Variants in PTPRJ observed in about 807,000 individuals in gnomAD.
PTPRJ encodes protein tyrosine phosphatase receptor type J.
Under a neutral mutation model 141.3 loss-of-function variants are expected in PTPRJ, and 129 were observed. That is an observed-to-expected ratio of 0.91 (90% CI 0.79 to 1.06). PTPRJ has a LOEUF of 1.06. Ranked by LOEUF, PTPRJ falls within the 50% of genes least tolerant of loss-of-function variation. The pLI, the probability that PTPRJ is intolerant of heterozygous loss-of-function variation, is 0.00. For synonymous variants in PTPRJ, 610 were observed against 640.5 expected (o/e 0.95, Z 0.72); for missense variants, 1,601 against 1,679.7 (o/e 0.95, Z 0.82).
intron 2 of PTPRJ, among the ~76,000 whole-genome samples, chr11:48,111,178 G>A (rs1274234724): frequency 6.6e-6 from 1 of 151,340 alleles, no homozygotes; most frequent in Non-Finnish European, 1.5e-5. Context: ...TACTTGGGAG[G>A]CTGAGGCAGG....
intron 1 of PTPRJ, among the ~76,000 whole-genome samples, chr11:47,990,683 ATTTT>A (rs58395455): frequency 2.3e-5 from 3 of 127,746 alleles, no homozygotes; most frequent in African/African-American, 6.0e-5. Flanking sequence ...AAGTGTTGGG[ATTTT>A]TTTTTTTTTT....
At chr11:48,167,161 AC>A in intron 24 of PTPRJ, 42 bp from the exon 25 acceptor site, 1 of 1,561,062 alleles carries the variant, frequency 6.4e-7, no homozygotes, top group African/African-American at 1.4e-5. Context: ...AATTTCTGGG[AC>A]CCATGTTCAT....
chr11:48,117,661 C>T (rs116822531), intron 3 of PTPRJ, among the ~76,000 whole-genome samples: 1,686 of 146,786 alleles, frequency 0.011, 20 homozygotes, highest in African/African-American at 0.027. Context: ...TAATGTAGCA[C>T]GTTAAGGAAC....
chr11:47,996,804 A>G (rs1016920802), intron 1 of PTPRJ, among the ~76,000 whole-genome samples: 4 of 152,202 alleles, frequency 2.6e-5, no homozygotes, highest in Non-Finnish European at 5.9e-5. Context: ...GCAGTCACCA[A>G]ATCCTATGGT....
chr11:48,032,647 T>A (rs2134226324), intron 1 of PTPRJ, among the ~76,000 whole-genome samples: 1 of 152,246 alleles, frequency 6.6e-6, no homozygotes, highest in African/African-American at 2.4e-5. Context: ...TAATCCCAGC[T>A]ACTCGGGAGG....
intron 1 of PTPRJ, among the ~76,000 whole-genome samples, chr11:48,085,494 G>A (rs531167323): frequency 2.6e-5 from 4 of 152,076 alleles, no homozygotes; most frequent in East Asian, 1.9e-4. Context: ...ACAGGCACCC[G>A]CCACCACACT....
At chr11:47,989,633 TATAG>T (rs1461715369) in intron 1 of PTPRJ, among the ~76,000 whole-genome samples, 10 of 152,150 alleles carry the variant, frequency 6.6e-5, no homozygotes, top group East Asian at 1.9e-4. Flanking sequence ...AATCTATATC[TATAG>T]ATAGATAGAT....
chr11:48,088,491 A>G (rs17789481), intron 1 of PTPRJ, among the ~76,000 whole-genome samples: 4,635 of 152,290 alleles, frequency 0.03, 105 homozygotes, highest in Non-Finnish European at 0.046. Context: ...AGAAGAAGGA[A>G]GCGTGGTAAC....
intron 3 of PTPRJ, among the ~76,000 whole-genome samples, chr11:48,114,129 T>C (rs1856505939): frequency 6.6e-6 from 1 of 152,094 alleles, no homozygotes; most frequent in South Asian, 2.1e-4. Context: ...TCTAGGGTAA[T>C]ATGAGAAACT....
At chr11:48,098,387 A>AGTGG (rs1325015301) in intron 1 of PTPRJ, among the ~76,000 whole-genome samples, 4 of 152,178 alleles carry the variant, frequency 2.6e-5, no homozygotes, top group African/African-American at 9.7e-5. Context: ...AGGCTCACAG[A>AGTGG]GTGGGCCAGG....
At chr11:47,999,060 T>A (rs1854422225) in intron 1 of PTPRJ, among the ~76,000 whole-genome samples, 1 of 152,066 alleles carries the variant, frequency 6.6e-6, no homozygotes, top group African/African-American at 2.4e-5. Context: ...AATGTCAGAG[T>A]TGGAAAAGAC....
At chr11:48,163,153 A>C (rs1590573230) in intron 22 of PTPRJ, among the ~76,000 whole-genome samples, 1 of 152,102 alleles carries the variant, frequency 6.6e-6, no homozygotes, top group Admixed American at 6.6e-5. Flanking sequence ...GAAGGGAAGG[A>C]TCTGAATGCA....
intron 1 of PTPRJ, among the ~76,000 whole-genome samples, chr11:48,052,546 G>C (rs1854601283): frequency 6.6e-6 from 1 of 152,152 alleles, no homozygotes; most frequent in African/African-American, 2.4e-5. Context: ...TTTGCTCTCT[G>C]GGTGGTTGGG....
chr11:48,025,840 A>AT (rs1853793268), intron 1 of PTPRJ, among the ~76,000 whole-genome samples: 2 of 152,160 alleles, frequency 1.3e-5, no homozygotes, highest in African/African-American at 4.8e-5. Flanking sequence ...ATCCCTCCAG[A>AT]CTGCCCAGGC....
In PTPRJ at chr11:48,144,850, T is replaced by C. The variant is rs779668656; in HGVS notation, c.2751T>C (p.Tyr917=). The C allele has an allele frequency of 6.2e-7, 1 of 1,614,222 alleles. No individual in the cohort carries two copies. The highest frequency in any genetic ancestry group is 1.1e-5 in the South Asian group (1 of 91,086). Residue 917 remains tyrosine, a synonymous_variant, in exon 13 of 25, where the codon TAT becomes TAC. Transcript: ENST00000418331. ...GGAATGAGTCAACCACACTTGGTTA[T>C]TACAATGGGAAGCTGGAACCTCTGG... ...DVGNESTTLG[Y]YNGKLEPLGS... is the part of the protein sequence containing the mutation.
chr11:48,095,203 C>T (rs1030836679), intron 1 of PTPRJ, among the ~76,000 whole-genome samples: 1 of 152,174 alleles, frequency 6.6e-6, no homozygotes, highest in Non-Finnish European at 1.5e-5. Flanking sequence ...GTCTCAGCAG[C>T]GTGCCCTCAG....
In PTPRJ at chr11:47,980,975, G is replaced by A; in HGVS notation, c.63G>A (p.Leu21=). The A allele has an allele frequency of 8.3e-7, 1 of 1,211,258 alleles. No homozygotes were observed. Among genetic ancestry groups the A allele is most frequent in the Non-Finnish European group, 1.0e-6 (1 of 975,266 alleles). The allele number at this position is 1,211,258 out of a possible 1,614,324, so 75.0% of individuals were successfully genotyped here. The change falls in exon 1 of 25, where the codon CTG becomes CTA. Residue 21 remains leucine, a synonymous_variant. Transcript: ENST00000418331. ...PPRSPGLRWA[L]PLLLLLLRLG... Reference sequence around the variant, plus strand: ...GCTCGCCCGGGCTGCGCTGGGCGCTGCCGCTGCTGCTGCTGCTGCTGCGCC... The same window carrying A: ...GCTCGCCCGGGCTGCGCTGGGCGCTACCGCTGCTGCTGCTGCTGCTGCGCC...
At chr11:48,058,709 T>C (rs2134257201) in intron 1 of PTPRJ, among the ~76,000 whole-genome samples, 1 of 152,286 alleles carries the variant, frequency 6.6e-6, no homozygotes, top group South Asian at 2.1e-4. Flanking sequence ...TCTGCCCTTG[T>C]CCCTCTTCAG....
chr11:48,119,119 T>C (rs1022478105), intron 3 of PTPRJ, among the ~76,000 whole-genome samples: 2 of 151,790 alleles, frequency 1.3e-5, no homozygotes, highest in Non-Finnish European at 2.9e-5. Flanking sequence ...ATCTGGGACA[T>C]GGACGGCCTC....
Sources: allele counts gnomAD v4.1 joint callset (sites outside exome capture counted in the v4.1 genomes callset), GRCh38; gene constraint gnomAD v4.1.1; transcripts MANE v1.5; gene names NCBI Gene and HGNC (gene_info 2026-07-23, HGNC 2026-07-21).